Variants in SEPTIN11 observed in about 807,000 individuals in gnomAD.
The protein encoded by SEPTIN11 is septin 11, also known as septin-11.
Under a neutral mutation model 51.4 loss-of-function variants are expected in SEPTIN11, and 25 were observed. That is an observed-to-expected ratio of 0.49 (90% CI 0.35 to 0.68). The LOEUF (loss-of-function observed/expected upper bound fraction) is 0.68, where lower values mean the gene tolerates loss of function less well. Among genes scored for constraint, SEPTIN11 ranks in the 30% least tolerant of loss-of-function variants. The probability of loss-of-function intolerance (pLI) is 0.00; values close to 1 mark genes in which losing one functional copy is unlikely to be tolerated. For synonymous variants in SEPTIN11, 174 were observed against 184.1 expected, an observed-to-expected ratio of 0.95 and a Z score of 0.44; for missense variants, 381 against 520.8, an observed-to-expected ratio of 0.73 and a Z score of 2.61.
chr4:76,971,008 G>A (rs1203519732), intron 1 of SEPTIN11, among the ~76,000 whole-genome samples: 3 of 152,212 alleles, frequency 2.0e-5, no homozygotes, highest in African/African-American at 7.2e-5. Flanking sequence ...TCCTGTGGAA[G>A]TGGGGAAACA....
intron 1 of SEPTIN11, among the ~76,000 whole-genome samples, chr4:76,958,306 A>G (rs1413247807): frequency 2.0e-5 from 3 of 151,968 alleles, no homozygotes; most frequent in Non-Finnish European, 2.9e-5. Context: ...CCAGGGGGCA[A>G]CCCCCTTGAG....
Position 77,036,640 on chromosome 4 carries a change from C to T in SEPTIN11, c.*2128C>T. 1 of 1,485,114 alleles carries T rather than the reference C, an allele frequency of 6.7e-7. No homozygotes were observed. Among genetic ancestry groups the T allele is most frequent in the Non-Finnish European group, 8.8e-7 (1 of 1,130,432 alleles). 92.0% of individuals were successfully genotyped at this position (1,485,114 alleles called of 1,614,324 possible). A position where few individuals can be genotyped will look rare whatever the true frequency, so the allele number is the denominator to read the frequency against. On this transcript the variant is annotated 3_prime_UTR_variant, in exon 10 of 10. Transcript: ENST00000264893. The stretch of plus-strand genomic sequence containing the variant: ...TCAGGGAATAAAAAGTCAAAAGAAA[C>T]AAATAGAAGCTTTTTTTTTTAAAAA...
chr4:76,979,536 G>C (rs886661394), intron 1 of SEPTIN11, among the ~76,000 whole-genome samples: 1 of 152,114 alleles, frequency 6.6e-6, no homozygotes, highest in Non-Finnish European at 1.5e-5. Context: ...GTAAAATGGA[G>C]CCAATAGTAT....
chr4:77,005,478 T>C (rs1377811523), intron 2 of SEPTIN11, 123 bp from the exon 3 acceptor site: 1 of 819,840 alleles, frequency 1.2e-6, no homozygotes, highest in Non-Finnish European at 1.9e-6. Context: ...CACAGTGACA[T>C]TTCTGGTGAC....
rs1384577646 is a variant in SEPTIN11, at chr4:76,966,352, C to CT, written c.27+16427dup. ...ATTTGGTCAAATTAGTTATCCTGTGCTTTTTATGCAGGATAGAGACAGGAA... is the reference window on the plus strand; with the variant it reads ...ATTTGGTCAAATTAGTTATCCTGTGCTTTTTTATGCAGGATAGAGACAGGAA... On this transcript the variant is annotated intron_variant, in intron 1 of 9. Coordinates refer to ENST00000264893, the MANE Select transcript of SEPTIN11 (RefSeq NM_018243.4). Among the ~76,000 whole-genome samples, 9 of 152,130 alleles carry CT rather than the reference C, an allele frequency of 5.9e-5. No individual in the cohort carries two copies. The East Asian group carries it at 1.7e-3, about 29-fold the overall frequency.
At chr4:77,019,064 C>A in intron 5 of SEPTIN11, 101 bp from the exon 6 acceptor site, 1 of 1,107,160 alleles carries the variant, frequency 9.0e-7, no homozygotes, top group Non-Finnish European at 1.3e-6. Flanking sequence ...TCCCTTGTCA[C>A]CAAGTAGAGG....
Position 77,037,757 on chromosome 4 carries a change from C to A in SEPTIN11, c.*3245C>A. Reference sequence around the variant, plus strand: ...AAAAGCATTGATGAGAATTTATTGGCAGTTCAGATTGTGTTTTCCCAACTT... The same window carrying A: ...AAAAGCATTGATGAGAATTTATTGGAAGTTCAGATTGTGTTTTCCCAACTT... On this transcript the variant is annotated 3_prime_UTR_variant, in exon 10 of 10. Coordinates refer to ENST00000264893, the MANE Select transcript of SEPTIN11 (RefSeq NM_018243.4). 3.0e-6 allele frequency: 3 copies of A among 985,862 alleles called. No individual in the cohort carries two copies. The South Asian group carries it at 1.4e-4, about 46-fold the overall frequency. 61.1% of individuals were successfully genotyped at this position (985,862 alleles called of 1,614,324 possible). A position where few individuals can be genotyped will look rare whatever the true frequency, so the allele number is the denominator to read the frequency against.
intron 1 of SEPTIN11, among the ~76,000 whole-genome samples, chr4:76,982,581 C>G (rs952509281): frequency 1.3e-5 from 2 of 152,196 alleles, no homozygotes; most frequent in African/African-American, 4.8e-5. Context: ...CATTTTTGCT[C>G]TGGTCCACAT....
At chr4:77,004,033 C>T (rs1053777530) in intron 2 of SEPTIN11, among the ~76,000 whole-genome samples, 2 of 152,202 alleles carry the variant, frequency 1.3e-5, no homozygotes, top group Admixed American at 6.5e-5. Context: ...CTGCTTCTCT[C>T]CATCATCATA....
chr4:77,001,120 G>T (rs939495680), intron 2 of SEPTIN11, among the ~76,000 whole-genome samples: 3 of 152,146 alleles, frequency 2.0e-5, no homozygotes, highest in Admixed American at 6.6e-5. Context: ...GAATGGAAAA[G>T]GTAGGACTGC....
In SEPTIN11 at chr4:77,019,278, G is replaced by A. The variant is rs765942655; in HGVS notation, c.784+17G>A. The A allele has an allele frequency of 1.2e-5, 19 of 1,583,242 alleles. No homozygotes were observed. In the Admixed American group the frequency reaches 3.3e-4, roughly 28 times the overall value. On this transcript the variant is annotated intron_variant, in intron 6 of 9. Transcript: ENST00000264893. ...TGGTGCAGGGTATGTGCACAGCATG[G>A]GAGATGGAGTCTTCATATTTAGCCC...
In SEPTIN11 at chr4:77,038,302, G is replaced by A; in HGVS notation, c.*3790G>A. The A allele has an allele frequency of 1.0e-6, 1 of 985,606 alleles. No individual in the cohort carries two copies. Among genetic ancestry groups the A allele is most frequent in the Non-Finnish European group, 1.2e-6 (1 of 829,710 alleles). 61.1% of individuals were successfully genotyped at this position (985,606 alleles called of 1,614,324 possible). A position where few individuals can be genotyped will look rare whatever the true frequency, so the allele number is the denominator to read the frequency against. On this transcript the variant is annotated 3_prime_UTR_variant, in exon 10 of 10. Coordinates refer to ENST00000264893, the MANE Select transcript of SEPTIN11 (RefSeq NM_018243.4). The stretch of plus-strand genomic sequence containing the variant: ...ATATGCTGATATGCCTTAAACTGTA[G>A]TTGTAGATCCTTGTCATTTTGCTGT...
chr4:77,012,193 AG>A (rs1388227212), intron 4 of SEPTIN11, among the ~76,000 whole-genome samples: 1 of 151,936 alleles, frequency 6.6e-6, no homozygotes, highest in Admixed American at 6.6e-5. Flanking sequence ...TATAACTTCC[AG>A]GTTTGTTTAC....
At chr4:76,950,067 G>A (rs896360701) in intron 1 of SEPTIN11, 137 bp downstream of exon 1, 4 of 903,044 alleles carry the variant, frequency 4.4e-6, no homozygotes, top group South Asian at 5.0e-5. Flanking sequence ...GTGTGTGCAC[G>A]AATTTGGGCG....
intron 1 of SEPTIN11, among the ~76,000 whole-genome samples, chr4:76,991,897 T>C (rs957199085): frequency 6.6e-6 from 1 of 152,180 alleles, no homozygotes; most frequent in Non-Finnish European, 1.5e-5. Flanking sequence ...AATGAACAAA[T>C]AAATAATTGT....
At chr4:77,005,280 A>C (rs143563122) in intron 2 of SEPTIN11, among the ~76,000 whole-genome samples, 1,543 of 152,326 alleles carry the variant, frequency 0.01, 12 homozygotes, top group Middle Eastern at 0.027. Flanking sequence ...GACAAAGTTC[A>C]TGTTCTTGTT....
rs1722917242 is a variant in SEPTIN11 at position 76,984,348 on chromosome 4, C to T, written c.28-12077C>T. On this transcript the variant is annotated intron_variant, in intron 1 of 9. Coordinates refer to ENST00000264893, the MANE Select transcript of SEPTIN11 (RefSeq NM_018243.4). The surrounding 1 kb of genome is among the most constrained non-coding windows in gnomAD (Gnocchi z 4.1). Reference sequence around the variant, plus strand: ...TTTTTTTTTTCTTCTCTCACAGAGACTGCCATCACATGGCCATTACTGTAA... The same window carrying T: ...TTTTTTTTTTCTTCTCTCACAGAGATTGCCATCACATGGCCATTACTGTAA... 6.6e-6 allele frequency among the ~76,000 whole-genome samples: 1 copy of T among 151,990 alleles called. No individual in the cohort carries two copies. The highest frequency in any genetic ancestry group is 6.6e-5 in the Admixed American group (1 of 15,250).
intron 1 of SEPTIN11, among the ~76,000 whole-genome samples, chr4:76,972,227 GT>G (rs1241526291): frequency 6.6e-6 from 1 of 152,112 alleles, no homozygotes; most frequent in Non-Finnish European, 1.5e-5. Flanking sequence ...TCATGTATCT[GT>G]ACTTTTGTTT....
intron 2 of SEPTIN11, among the ~76,000 whole-genome samples, chr4:77,003,311 G>A (rs1321963829): frequency 2.0e-5 from 3 of 152,208 alleles, no homozygotes; most frequent in Non-Finnish European, 2.9e-5. Flanking sequence ...GGCCATGGAT[G>A]TAAAGGATGG....
Sources: gnomAD v4.1 joint callset for allele counts (sites outside exome capture counted in the v4.1 genomes callset) on GRCh38, gnomAD v4.1.1 for gene constraint, Gnocchi (gnomAD v3.1) non-coding constraint, MANE v1.5 for transcripts, NCBI Gene and HGNC (gene_info 2026-07-23, HGNC 2026-07-21) for gene names.